Variants in USP47 observed in about 807,000 individuals in gnomAD.
The protein encoded by USP47 is ubiquitin carboxyl-terminal hydrolase 47.
A neutral mutation model predicts 165.1 loss-of-function variants in USP47; 35 were observed. The ratio of observed to expected loss-of-function variants is 0.21; its 90% CI spans 0.16 to 0.28. USP47 has a LOEUF of 0.28. Ranked by LOEUF, USP47 falls within the 10% of genes least tolerant of loss-of-function variation. The pLI is 1.00. For missense variants in USP47, 1,277 were observed against 1,607.4 expected, an observed-to-expected ratio of 0.79 and a Z score of 3.52; for synonymous variants, 531 against 544.5, an observed-to-expected ratio of 0.98 and a Z score of 0.35.
intron 2 of USP47, 57 bp downstream of exon 2, chr11:11,880,437 T>C (rs1850754332): frequency 8.3e-7 from 1 of 1,202,682 alleles, no homozygotes; most frequent in African/African-American, 1.6e-5. Context: ...TTGTTGTTGT[T>C]ACTGATGATA....
chr11:11,891,218 C>T (rs910650866), intron 3 of USP47, among the ~76,000 whole-genome samples: 2 of 152,168 alleles, frequency 1.3e-5, no homozygotes, highest in Non-Finnish European at 2.9e-5. Flanking sequence ...TCTGATTTAC[C>T]TCACTCTTTT....
chr11:11,928,208 A>G lies in USP47; in HGVS notation c.1387-1226A>G, dbSNP rs560232942. Among the ~76,000 whole-genome samples, 7 of 152,092 alleles carry G rather than the reference A, an allele frequency of 4.6e-5. No individual in the cohort carries two copies. The South Asian group carries it at 1.5e-3, about 32-fold the overall frequency. ...GTGATATCAAAATTTTGTCTAGTGT[A>G]TTTACTACATTCAAAGCATTTTAAT... On this transcript the variant is annotated intron_variant, in intron 11 of 27. Transcript: ENST00000527733.
In USP47 at chr11:11,942,822, C is replaced by T. The variant is rs752673811; in HGVS notation, c.2801C>T (p.Thr934Ile). Residue 934 changes from threonine to isoleucine, a missense_variant, in exon 20 of 28, where the codon ACA (threonine) becomes ATA (isoleucine). Around this residue, in one of 4 missense-constraint regions of USP47, gnomAD observed 909 missense variants for 1,068.1 expected, o/e 0.85. Coordinates refer to ENST00000527733, the MANE Select transcript of USP47 (RefSeq NM_001282659.2). The part of the protein sequence containing the change: ...SDSDVNNDRS[T>I]SSVDSDILSS... ...TCAGATGTGAATAATGACAGGAGTA[C>T]AAGTTCAGTGGACAGTGATATTCTT... 7 of 1,613,678 alleles carry T rather than the reference C, an allele frequency of 4.3e-6. No homozygotes were observed. Among genetic ancestry groups the T allele is most frequent in the Middle Eastern group, 1.7e-4 (1 of 6,056 alleles).
At chr11:11,877,992 A>G (rs985762963) in intron 1 of USP47, among the ~76,000 whole-genome samples, 4 of 152,100 alleles carry the variant, frequency 2.6e-5, no homozygotes, top group Non-Finnish European at 5.9e-5. Context: ...AAAATTATTT[A>G]TATGTACGGA....
intron 1 of USP47, among the ~76,000 whole-genome samples, chr11:11,876,248 G>A (rs974097918): frequency 2.3e-5 from 2 of 85,340 alleles, no homozygotes; most frequent in African/African-American, 1.3e-4. Flanking sequence ...CTTACCTCAG[G>A]TTCATCAGAG....
Position 11,957,750 on chromosome 11 carries a change from A to T in USP47, c.*1575A>T, listed in dbSNP as rs1847271725. Reference sequence around the variant, plus strand: ...TTTTACCCTTTTTTTCTTATAAGAAAGATAAAATTAGAAAATACTGTTAGC... The same window carrying T: ...TTTTACCCTTTTTTTCTTATAAGAATGATAAAATTAGAAAATACTGTTAGC... On this transcript the variant is annotated 3_prime_UTR_variant, in exon 28 of 28. Transcript: ENST00000527733. 6.6e-6 allele frequency: 1 copy of T among 152,212 alleles called. No homozygotes were observed. The highest frequency in any genetic ancestry group is 1.5e-5 in the Non-Finnish European group (1 of 68,020). 9.4% of individuals were successfully genotyped at this position (152,212 alleles called of 1,614,324 possible).
At chr11:11,871,153 G>A (rs1850011297) in intron 1 of USP47, among the ~76,000 whole-genome samples, 1 of 152,138 alleles carries the variant, frequency 6.6e-6, no homozygotes, top group Non-Finnish European at 1.5e-5. Flanking sequence ...TACTAAGACA[G>A]TACCCTTTTG....
chr11:11,888,597 AT>A (rs1851317138), intron 3 of USP47, among the ~76,000 whole-genome samples: 1 of 152,022 alleles, frequency 6.6e-6, no homozygotes, highest in African/African-American at 2.4e-5. Context: ...GACCAAACAG[AT>A]TTACAGCTGA....
In USP47 at chr11:11,922,725, A is replaced by C; in HGVS notation, c.1220A>C (p.Lys407Thr). The part of the protein sequence containing the change: ...MSTFIDVEDE[K>T]SPQTESCTDS... ...CTAAGATAATTATGTCTTATTAAGA[A>C]ATCTCCTCAGACTGAAAGTTGCACT... The change falls in exon 11 of 28, where the codon AAA becomes ACA. Residue 407 changes from lysine (K) to threonine (T), a missense_variant and splice_region_variant. Lys to Thr is a moderately conservative substitution (Grantham distance 78). Around this residue, in one of 4 missense-constraint regions of USP47, gnomAD observed 175 missense variants for 295.8 expected, o/e 0.59. Transcript: ENST00000527733. The C allele has an allele frequency of 6.2e-7, 1 of 1,607,514 alleles. No homozygotes were observed. Among genetic ancestry groups the C allele is most frequent in the Non-Finnish European group, 8.5e-7 (1 of 1,176,154 alleles).
At chr11:11,843,696 C>T (rs150558744) in intron 1 of USP47, among the ~76,000 whole-genome samples, 5 of 152,242 alleles carry the variant, frequency 3.3e-5, no homozygotes, top group Admixed American at 2.6e-4. Flanking sequence ...TGGAACTCTG[C>T]TTTAAGAAAA....
In USP47 at chr11:11,916,754, A is replaced by T. The variant is rs1320508841; in HGVS notation, c.970-3402A>T. Among the ~76,000 whole-genome samples the T allele has an allele frequency of 4.6e-5, 7 of 152,270 alleles. No homozygotes were observed. The East Asian group carries it at 1.4e-3, about 29-fold the overall frequency. ...ACAGTGGACCAGAACTAATAGATAA[A>T]CTGTAATTCAGAGAAAGTTTCTGGG... On this transcript the variant is annotated intron_variant, in intron 8 of 27. Coordinates refer to ENST00000527733, the MANE Select transcript of USP47 (RefSeq NM_001282659.2).
At chr11:11,908,414 C>T (rs1852725668) in intron 8 of USP47, among the ~76,000 whole-genome samples, 1 of 152,164 alleles carries the variant, frequency 6.6e-6, no homozygotes, top group Admixed American at 6.5e-5. Flanking sequence ...GCTGGGATTT[C>T]AGGCATGAGC....
intron 1 of USP47, among the ~76,000 whole-genome samples, chr11:11,869,065 T>C (rs1849863036): frequency 6.6e-6 from 1 of 152,162 alleles, no homozygotes; most frequent in Non-Finnish European, 1.5e-5. Context: ...TCTCCCAGTC[T>C]GTAACTTTTA....
chr11:11,936,448 T>A lies in USP47; in HGVS notation c.2015T>A (p.Met672Lys), dbSNP rs370883890. The change falls in exon 17 of 28, where the codon ATG (methionine) becomes AAG (lysine). Residue 672 changes from methionine to lysine, a missense_variant. This residue lies in a region of USP47 where 909 missense variants were observed against 1,068.1 expected (regional missense o/e 0.85). Coordinates refer to ENST00000527733, the MANE Select transcript of USP47 (RefSeq NM_001282659.2). ...LLLGGVKSTY[M>K]FDLLLETRKP... ...CTAGGTGGCGTCAAGTCAACATATA[T>A]GTTTGATCTGCTGTTGGAGACGAGA... 8 of 1,609,210 alleles carry A rather than the reference T, an allele frequency of 5.0e-6. No individual in the cohort carries two copies. The African/African-American group carries it at 1.1e-4, about 22-fold the overall frequency.
chr11:11,926,630 A>AT (rs138684989), intron 11 of USP47, among the ~76,000 whole-genome samples: 16 of 150,010 alleles, frequency 1.1e-4, no homozygotes, highest in African/African-American at 2.7e-4. Flanking sequence ...TCTTAGTTTC[A>AT]TTTTTTTTTC....
At position 11,892,104 on chromosome 11, in the gene USP47, C is replaced by T; in HGVS notation, c.494C>T (p.Thr165Ile). 1 of 1,611,314 alleles carries T rather than the reference C, an allele frequency of 6.2e-7. No homozygotes were observed. Among genetic ancestry groups the T allele is most frequent in the Non-Finnish European group, 8.5e-7 (1 of 1,179,010 alleles). Residue 165 changes from threonine to isoleucine, a missense_variant and splice_region_variant, in exon 4 of 28, where the codon ACT becomes ATT. Coordinates refer to ENST00000527733, the MANE Select transcript of USP47 (RefSeq NM_001282659.2). Reference protein sequence around the residue: ...SYSSILNKSETGYVGLVNQAM... With the variant: ...SYSSILNKSEIGYVGLVNQAM... ...TCATCTATTTTGAATAAATCAGAAA[C>T]TGGTAAGATTTGTTGTATTTTCATA...
At chr11:11,889,448 A>C (rs922117439) in intron 3 of USP47, among the ~76,000 whole-genome samples, 1 of 152,100 alleles carries the variant, frequency 6.6e-6, no homozygotes, top group Non-Finnish European at 1.5e-5. Flanking sequence ...TCACGAATGA[A>C]CTCCCATTCA....
Position 11,958,438 on chromosome 11 carries a change from T to C in USP47, c.*2263T>C, listed in dbSNP as rs1016321959. On this transcript the variant is annotated 3_prime_UTR_variant, in exon 28 of 28. Transcript: ENST00000527733. ...AATAATTTCAATAAAAGCTAATCTGTGTCAGCCTCCCTCTGCTTCAGAGAG... is the reference window on the plus strand; with the variant it reads ...AATAATTTCAATAAAAGCTAATCTGCGTCAGCCTCCCTCTGCTTCAGAGAG... 2 of 152,264 alleles carry C rather than the reference T, an allele frequency of 1.3e-5. No homozygotes were observed. Among genetic ancestry groups the C allele is most frequent in the African/African-American group, 4.8e-5 (2 of 41,468 alleles). 9.4% of individuals were successfully genotyped at this position (152,264 alleles called of 1,614,324 possible).
At chr11:11,856,323 A>G (rs1048862988) in intron 1 of USP47, among the ~76,000 whole-genome samples, 1 of 152,204 alleles carries the variant, frequency 6.6e-6, no homozygotes, top group South Asian at 2.1e-4. Context: ...TTTTGTCCCC[A>G]ACATTAATAC....
Sources: gnomAD v4.1 joint callset for allele counts (sites outside exome capture counted in the v4.1 genomes callset) on GRCh38, gnomAD v4.1.1 for gene constraint, gnomAD v4.1.1 regional missense constraint, MANE v1.5 for transcripts, NCBI Gene and HGNC (gene_info 2026-07-23, HGNC 2026-07-21) for gene names.